Variants in PDE4D observed in about 807,000 individuals in gnomAD.
PDE4D encodes the protein 3',5'-cyclic-AMP phosphodiesterase 4D.
In PDE4D, 24 loss-of-function variants were observed where a neutral mutation model predicts 87.4. That is an observed-to-expected ratio of 0.27 (90% CI 0.20 to 0.39). The LOEUF is 0.39. PDE4D is among the 10% of genes least tolerant of loss of function. The pLI is 1.00. For synonymous variants in PDE4D, 384 were observed against 383.2 expected, an observed-to-expected ratio of 1.00 and a Z score of -0.02; for missense variants, 714 against 1,041.0, an observed-to-expected ratio of 0.69 and a Z score of 4.32.
intron 1 of PDE4D, among the ~76,000 whole-genome samples, chr5:60,376,740 T>C (rs1761463382): frequency 6.6e-6 from 1 of 152,170 alleles, no homozygotes; most frequent in Non-Finnish European, 1.5e-5. Context: ...GCAAACATTC[T>C]GCTCAATACA....
At chr5:60,318,732 C>G (rs1388943141) in intron 1 of PDE4D, among the ~76,000 whole-genome samples, 1 of 151,882 alleles carries the variant, frequency 6.6e-6, no homozygotes, top group African/African-American at 2.4e-5. Context: ...TTTATTTCTC[C>G]TTCACTTATG....
chr5:59,724,169 G>A lies in PDE4D; in HGVS notation c.455+168999C>T, dbSNP rs116480284. ...ACAGCTAATTAATCACTGGAAACCTGGAGAGAATAGCCTGAGGTATTACAA... is the reference window on the plus strand; with the variant it reads ...ACAGCTAATTAATCACTGGAAACCTAGAGAGAATAGCCTGAGGTATTACAA... On this transcript the variant is annotated intron_variant, in intron 1 of 14. Coordinates refer to ENST00000340635, the MANE Select transcript of PDE4D (RefSeq NM_001104631.2). 6.7e-3 allele frequency among the ~76,000 whole-genome samples: 1,026 copies of A among 152,122 alleles called. 4 individuals carry two copies. The highest frequency in any genetic ancestry group is 0.011 in the Non-Finnish European group (719 of 67,964).
chr5:59,166,631 C>T (rs1039977393), intron 5 of PDE4D, among the ~76,000 whole-genome samples: 2 of 152,188 alleles, frequency 1.3e-5, no homozygotes, highest in Non-Finnish European at 2.9e-5. Context: ...CTTGGAATTG[C>T]CTTAAAAGTC....
chr5:59,237,179 C>G (rs766014191), intron 1 of PDE4D, among the ~76,000 whole-genome samples: 1 of 152,160 alleles, frequency 6.6e-6, no homozygotes, highest in Non-Finnish European at 1.5e-5. Context: ...CTTCCTTCCA[C>G]AATTCCAAAC....
chr5:58,997,680 C>CA (rs10626977), intron 6 of PDE4D, among the ~76,000 whole-genome samples: 1 of 151,796 alleles, frequency 6.6e-6, no homozygotes, highest in Admixed American at 6.6e-5. Context: ...ACTAAAAAAA[C>CA]GGGAGGATTT....
chr5:59,479,281 C>G (rs73097356), intron 1 of PDE4D, among the ~76,000 whole-genome samples: 1 of 151,746 alleles, frequency 6.6e-6, no homozygotes, highest in Admixed American at 6.6e-5. Flanking sequence ...TCCTAAGCAC[C>G]GTCATGGTTG....
intron 1 of PDE4D, among the ~76,000 whole-genome samples, chr5:59,829,851 G>A (rs529757017): frequency 2.6e-5 from 4 of 151,926 alleles, no homozygotes; most frequent in South Asian, 2.1e-4. Context: ...TAAACCTGGC[G>A]TCACACATAC....
intron 6 of PDE4D, among the ~76,000 whole-genome samples, chr5:59,000,656 A>G (rs1013448679): frequency 2.0e-5 from 3 of 152,178 alleles, no homozygotes; most frequent in Non-Finnish European, 4.4e-5. Context: ...TTTTGTATAT[A>G]GAACTCAGGA....
chr5:59,407,048 G>T, intron 1 of PDE4D, among the ~76,000 whole-genome samples: 1 of 152,106 alleles, frequency 6.6e-6, no homozygotes, highest in South Asian at 2.1e-4. Flanking sequence ...GTAGAGTCTT[G>T]GGGTTCATTA....
chr5:59,196,400 C>T (rs1306029259), intron 2 of PDE4D, among the ~76,000 whole-genome samples: 1 of 152,164 alleles, frequency 6.6e-6, no homozygotes, highest in Non-Finnish European at 1.5e-5. Context: ...CCAATAAATG[C>T]AAATTACAAA....
At chr5:60,066,683 C>G (rs374052342) in intron 2 of PDE4D, among the ~76,000 whole-genome samples, 2 of 151,920 alleles carry the variant, frequency 1.3e-5, no homozygotes, top group African/African-American at 4.8e-5. Context: ...CTCTTTGATG[C>G]TTTTATTAGA....
chr5:59,603,011 C>A (rs1827733140), intron 1 of PDE4D, among the ~76,000 whole-genome samples: 1 of 151,962 alleles, frequency 6.6e-6, no homozygotes, highest in Non-Finnish European at 1.5e-5. Flanking sequence ...AAACCTTTAT[C>A]TCATACCATA....
intron 1 of PDE4D, among the ~76,000 whole-genome samples, chr5:60,254,667 C>T (rs1050452280): frequency 1.8e-4 from 27 of 151,864 alleles, no homozygotes; most frequent in African/African-American, 6.3e-4. Context: ...GCTTAAAGTG[C>T]AAAAAGCAGG....
intron 1 of PDE4D, among the ~76,000 whole-genome samples, chr5:60,221,365 A>G (rs1317948786): frequency 6.6e-6 from 1 of 152,132 alleles, no homozygotes; most frequent in Non-Finnish European, 1.5e-5. Context: ...CCATGTGTTT[A>G]CTTATTTGAA....
chr5:59,384,430 A>C (rs1786547971), intron 1 of PDE4D, among the ~76,000 whole-genome samples: 1 of 152,162 alleles, frequency 6.6e-6, no homozygotes, highest in African/African-American at 2.4e-5. Context: ...TTCTGCCAGA[A>C]GGATCAACAA....
chr5:59,376,460 A>G (rs192666444), intron 1 of PDE4D, among the ~76,000 whole-genome samples: 44 of 152,296 alleles, frequency 2.9e-4, no homozygotes, highest in African/African-American at 8.2e-4. Context: ...TAAAATACCT[A>G]GGAATACAGA....
At chr5:59,152,479 G>A (rs1486051955) in intron 5 of PDE4D, among the ~76,000 whole-genome samples, 1 of 152,028 alleles carries the variant, frequency 6.6e-6, no homozygotes, top group Non-Finnish European at 1.5e-5. Context: ...CTTTTTTAAA[G>A]GTATTTTTGT....
At chr5:59,558,643 T>C (rs1819402707) in intron 1 of PDE4D, 1 of 151,882 alleles carries the variant, frequency 6.6e-6, no homozygotes, top group South Asian at 2.1e-4. Flanking sequence ...AAACTGAAGG[T>C]GTTAAAAATG....
intron 1 of PDE4D, among the ~76,000 whole-genome samples, chr5:59,525,748 TC>T (rs559162192): frequency 1.3e-3 from 201 of 152,012 alleles, no homozygotes; most frequent in African/African-American, 4.4e-3. Flanking sequence ...TGGGAGCAGA[TC>T]CCCCTGCTGT....
Sources: gnomAD v4.1 joint callset for allele counts (sites outside exome capture counted in the v4.1 genomes callset) on GRCh38, gnomAD v4.1.1 for gene constraint, MANE v1.5 for transcripts, NCBI Gene and HGNC (gene_info 2026-07-23, HGNC 2026-07-21) for gene names.